The following FLT1 variants were observed in gnomAD, a reference collection of about 807,000 sequenced individuals.
The protein encoded by FLT1 is vascular endothelial growth factor receptor 1.
In FLT1, 49 loss-of-function variants were observed where a neutral mutation model predicts 156.3. The ratio of observed to expected loss-of-function variants is 0.31; its 90% CI spans 0.25 to 0.40. The LOEUF (loss-of-function observed/expected upper bound fraction) is 0.40, where lower values mean the gene tolerates loss of function less well. Among genes scored for constraint, FLT1 ranks in the 10% least tolerant of loss-of-function variants. The probability of loss-of-function intolerance (pLI) is 1.00; values close to 1 mark genes in which losing one functional copy is unlikely to be tolerated. For synonymous variants in FLT1, 594 were observed against 583.8 expected, an observed-to-expected ratio of 1.02 and a Z score of -0.25; for missense variants, 1,322 against 1,637.2, an observed-to-expected ratio of 0.81 and a Z score of 3.32.
chr13:28,344,586 A>C (rs1872488070), intron 16 of FLT1, among the ~76,000 whole-genome samples: 1 of 152,168 alleles, frequency 6.6e-6, no homozygotes, highest in Non-Finnish European at 1.5e-5. Flanking sequence ...GAATGAATGA[A>C]TAAATGTAAG....
Position 28,302,752 on chromosome 13 carries a change from A to G in FLT1, c.*415T>C. ...TCCCGAGATGTTGCTCAGGCCAGCC[A>G]GTGATCCCTGGGGCTAACGGGCTTG... On this transcript the variant is annotated 3_prime_UTR_variant, in exon 30 of 30. Coordinates refer to ENST00000282397, the MANE Select transcript of FLT1 (RefSeq NM_002019.4). 3.9e-6 allele frequency: 1 copy of G among 253,308 alleles called. No individual in the cohort carries two copies. The highest frequency in any genetic ancestry group is 2.2e-5 in the African/African-American group (1 of 45,772). The allele number at this position is 253,308 out of a possible 1,614,324, so 15.7% of individuals were successfully genotyped here. A position where few individuals can be genotyped will look rare whatever the true frequency, so the allele number is the denominator to read the frequency against.
chr13:28,477,226 A>C (rs1880598113), intron 1 of FLT1, among the ~76,000 whole-genome samples: 1 of 152,120 alleles, frequency 6.6e-6, no homozygotes, highest in Non-Finnish European at 1.5e-5. Flanking sequence ...ACATTCATTG[A>C]TCATTAGGCC....
intron 10 of FLT1, among the ~76,000 whole-genome samples, chr13:28,426,128 A>ATTTTTTTT (rs1877325915): frequency 6.9e-6 from 1 of 144,708 alleles, no homozygotes; most frequent in African/African-American, 2.7e-5. Context: ...TTTCCTGTCA[A>ATTTTTTTT]TCTTTTTTTT....
rs138104447 is a variant in FLT1 at position 28,340,906 on chromosome 13, G to A, written c.2356-1606C>T. Among the ~76,000 whole-genome samples, 463 of 152,220 alleles carry A rather than the reference G, an allele frequency of 3.0e-3. 1 individual carries two copies. The highest frequency in any genetic ancestry group is 5.4e-3 in the Non-Finnish European group (366 of 68,018). On this transcript the variant is annotated intron_variant, in intron 16 of 29. Coordinates refer to ENST00000282397, the MANE Select transcript of FLT1 (RefSeq NM_002019.4). ...CCATTGGGTTAGACTATGAGGGCCC[G>A]GCCTGCCAGACACTCTGTGAAGAGT...
In FLT1 at chr13:28,439,335, T is replaced by C. The variant is rs993587298; in HGVS notation, c.389-990A>G. ...GAAGTCCTGTGTGAACTCTCTCCAT[T>C]TGGACCTGAAAGAACCAACCAGGCC... On this transcript the variant is annotated intron_variant, in intron 3 of 29. Transcript: ENST00000282397. The surrounding 1 kb of genome is among the most constrained non-coding windows in gnomAD (Gnocchi z 4.1). 1.1e-4 allele frequency among the ~76,000 whole-genome samples: 17 copies of C among 152,174 alleles called. No individual in the cohort carries two copies. The highest frequency in any genetic ancestry group is 4.1e-4 in the African/African-American group (17 of 41,432).
intron 16 of FLT1, among the ~76,000 whole-genome samples, chr13:28,340,154 G>A (rs1477764697): frequency 6.6e-6 from 1 of 151,880 alleles, no homozygotes; most frequent in East Asian, 1.9e-4. Flanking sequence ...GGTGGAGGTT[G>A]CAGTGAGCCA....
At chr13:28,320,626 T>G (rs1484838324) in intron 23 of FLT1, among the ~76,000 whole-genome samples, 2 of 152,056 alleles carry the variant, frequency 1.3e-5, no homozygotes, top group Non-Finnish European at 2.9e-5. Flanking sequence ...CTTCTTCCAA[T>G]GTGGCCCAGG....
chr13:28,328,873 G>A (rs535166622), intron 19 of FLT1, among the ~76,000 whole-genome samples: 1 of 152,304 alleles, frequency 6.6e-6, no homozygotes, highest in African/African-American at 2.4e-5. Context: ...AACGTTATCC[G>A]GGGATGATGG....
rs1235375423 is a variant in FLT1, at chr13:28,438,275, C to T, written c.459G>A (p.Glu153=). 1.9e-6 allele frequency: 3 copies of T among 1,612,992 alleles called. No homozygotes were observed. Residue 153 remains glutamate, a synonymous_variant, in exon 4 of 30, where the codon GAG becomes GAA. Transcript: ENST00000282397. Reference sequence around the variant, plus strand: ...ACGTAACCCGGCAGGGAATGACGAGCTCCCTTCCTTCAGTCATGTGTATAA... The same window carrying T: ...ACGTAACCCGGCAGGGAATGACGAGTTCCCTTCCTTCAGTCATGTGTATAA... ...PEIIHMTEGR[E]LVIPCRVTSP... is the part of the protein sequence containing the mutation.
intron 28 of FLT1, among the ~76,000 whole-genome samples, chr13:28,306,990 A>C (rs188322427): frequency 9.2e-5 from 14 of 152,362 alleles, no homozygotes; most frequent in African/African-American, 3.4e-4. Context: ...GCCCTTCCTG[A>C]ACATGAAGTA....
At chr13:28,445,532 A>G (rs1306423962) in intron 3 of FLT1, among the ~76,000 whole-genome samples, 3 of 152,186 alleles carry the variant, frequency 2.0e-5, no homozygotes, top group Admixed American at 2.0e-4. Context: ...ATGAAGGAAT[A>G]TTATAATTAT....
rs1336358383 is a variant in FLT1, at chr13:28,311,609, C to T, written c.3616G>A (p.Gly1206Arg). 1.9e-6 allele frequency: 3 copies of T among 1,613,578 alleles called. No individual in the cohort carries two copies. The highest frequency in any genetic ancestry group is 2.5e-6 in the Non-Finnish European group (3 of 1,179,862). ...TCTTACCTGACATCATCAGAGCTTCCTGAATTAAACTTCGGAGCTGAAATA... is the reference window on the plus strand; with the variant it reads ...TCTTACCTGACATCATCAGAGCTTCTTGAATTAAACTTCGGAGCTGAAATA... ...ESISAPKFNSGSSDDVRYVNA... is the reference protein window; with the variant it reads ...ESISAPKFNSRSSDDVRYVNA... Residue 1206 changes from glycine to arginine, a missense_variant, in exon 27 of 30, where the codon GGA (glycine) becomes AGA (arginine). By Grantham distance (125) the Gly-to-Arg change is moderately radical (BLOSUM62 -2). Coordinates refer to ENST00000282397, the MANE Select transcript of FLT1 (RefSeq NM_002019.4).
At chr13:28,318,821 G>A (rs541335097) in intron 24 of FLT1, among the ~76,000 whole-genome samples, 176 of 152,278 alleles carry the variant, frequency 1.2e-3, no homozygotes, top group African/African-American at 4.0e-3. Context: ...GGCTCTGCAC[G>A]CATCTGTGTG....
chr13:28,318,044 G>A (rs1050407460), intron 24 of FLT1, among the ~76,000 whole-genome samples: 9 of 151,754 alleles, frequency 5.9e-5, no homozygotes, highest in African/African-American at 9.7e-5. Context: ...CTGCAGCCTC[G>A]AACTCCTGGG....
At chr13:28,328,245 C>T (rs1871776013) in intron 19 of FLT1, 1 of 152,110 alleles carries the variant, frequency 6.6e-6, no homozygotes, top group African/African-American at 2.4e-5. Flanking sequence ...TTTATTTTTT[C>T]CCCCAACTTT....
At chr13:28,458,995 T>G (rs1363092128) in intron 3 of FLT1, among the ~76,000 whole-genome samples, 1 of 152,244 alleles carries the variant, frequency 6.6e-6, no homozygotes, top group Non-Finnish European at 1.5e-5. Flanking sequence ...TTTCCCCTCT[T>G]TCACATCTTT....
In FLT1 at chr13:28,393,762, T is replaced by C. The variant is rs1319058322; in HGVS notation, c.1660+3198A>G. Among the ~76,000 whole-genome samples, 3 of 152,068 alleles carry C rather than the reference T, an allele frequency of 2.0e-5. 1 individual carries two copies. The highest frequency in any genetic ancestry group is 2.9e-5 in the Non-Finnish European group (2 of 68,008). ...CCAGCAGGCCTAGCTAGTTTTTGTATTTTTTGTAGAGACAGGATTTTGCCA... is the reference window on the plus strand; with the variant it reads ...CCAGCAGGCCTAGCTAGTTTTTGTACTTTTTGTAGAGACAGGATTTTGCCA... On this transcript the variant is annotated intron_variant, in intron 12 of 29. Transcript: ENST00000282397.
chr13:28,352,225 C>CT (rs1467898953), intron 15 of FLT1, among the ~76,000 whole-genome samples: 12 of 152,218 alleles, frequency 7.9e-5, no homozygotes, highest in Non-Finnish European at 2.9e-5. Flanking sequence ...GGACAAGTCA[C>CT]TTAACCTTTT....
At chr13:28,335,651 GC>G (rs1203340814) in intron 17 of FLT1, among the ~76,000 whole-genome samples, 1 of 152,190 alleles carries the variant, frequency 6.6e-6, no homozygotes, top group Non-Finnish European at 1.5e-5. Flanking sequence ...CCTCTGTGTG[GC>G]TGTCTGCAGG....
Sources: gnomAD v4.1 joint callset for allele counts (sites outside exome capture counted in the v4.1 genomes callset) on GRCh38, gnomAD v4.1.1 for gene constraint, Gnocchi (gnomAD v3.1) non-coding constraint, MANE v1.5 for transcripts, NCBI Gene and HGNC (gene_info 2026-07-23, HGNC 2026-07-21) for gene names.